The following CNTLN variants were observed in gnomAD, a reference collection of about 807,000 sequenced individuals.
CNTLN encodes the protein centlein, also known as centlein, centrosomal protein.
A neutral mutation model predicts 180.0 loss-of-function variants in CNTLN; 212 were observed. The ratio of observed to expected loss-of-function variants is 1.18; its 90% confidence interval spans 1.05 to 1.32. CNTLN has a LOEUF of 1.32. CNTLN is among the 40% of genes most tolerant of loss of function. The probability of loss-of-function intolerance (pLI) is 0.00; values close to 1 mark genes in which losing one functional copy is unlikely to be tolerated. For missense variants in CNTLN, 2,095 were observed against 1,610.9 expected (o/e 1.30, Z -5.14); for synonymous variants, 722 against 563.1 (o/e 1.28, Z -3.99).
At chr9:17,318,389 G>T (rs1298521877) in intron 8 of CNTLN, among the ~76,000 whole-genome samples, 1 of 152,096 alleles carries the variant, frequency 6.6e-6, no homozygotes, top group Non-Finnish European at 1.5e-5. Flanking sequence ...ATATAGGAAG[G>T]CAAGGAAGAG....
At chr9:17,349,807 G>T (rs531488189) in intron 12 of CNTLN, among the ~76,000 whole-genome samples, 1 of 152,170 alleles carries the variant, frequency 6.6e-6, no homozygotes, top group East Asian at 1.9e-4. Flanking sequence ...GAGCATTCAT[G>T]TGTTCATTTA....
At chr9:17,524,026 C>A in the CNTLN span, among the ~76,000 whole-genome samples, 3 of 151,942 alleles carry the variant, frequency 2.0e-5, no homozygotes, top group Admixed American at 6.6e-5. Flanking sequence ...GAAATGTTTT[C>A]TAAAATGAGA....
chr9:17,391,250 G>C (rs183581637), intron 14 of CNTLN, among the ~76,000 whole-genome samples: 10 of 152,228 alleles, frequency 6.6e-5, no homozygotes, highest in Admixed American at 1.3e-4. Flanking sequence ...TCCTCCCTGG[G>C]TATAGGACAG....
chr9:17,394,454 A>T (rs557265455), intron 14 of CNTLN, 80 bp from the exon 15 acceptor site: 1 of 1,049,222 alleles, frequency 9.5e-7, no homozygotes, highest in Non-Finnish European at 1.3e-6. Flanking sequence ...TGTGATTTTT[A>T]TTTCATAAGT....
chr9:17,248,406 C>T (rs1003891764), intron 5 of CNTLN, among the ~76,000 whole-genome samples: 7 of 151,790 alleles, frequency 4.6e-5, no homozygotes, highest in Non-Finnish European at 7.4e-5. Flanking sequence ...GATTCAGTCT[C>T]TTCATTTGTT....
rs749299305 is a variant in CNTLN, at chr9:17,409,434, A to G, written c.2757A>G (p.Ile919Met). Residue 919 changes from isoleucine (I) to methionine (M), a missense_variant, in exon 16 of 26, where the codon ATA becomes ATG. Physicochemically the swap from Ile to Met is conservative, Grantham distance 10. Transcript: ENST00000380647. ...TEDSQTQGKE[I>M]VQTYLNIDGK... Reference sequence around the variant, plus strand: ...ACAGCCAAACACAAGGAAAAGAAATAGTACAGACATATTTAAATATAGATG... The same window carrying G: ...ACAGCCAAACACAAGGAAAAGAAATGGTACAGACATATTTAAATATAGATG... 4.3e-6 allele frequency: 7 copies of G among 1,609,490 alleles called. No homozygotes were observed. In the South Asian group the frequency reaches 6.7e-5, roughly 15 times the overall value.
chr9:17,325,167 G>T, intron 8 of CNTLN, among the ~76,000 whole-genome samples: 1 of 109,076 alleles, frequency 9.2e-6, no homozygotes, highest in East Asian at 2.6e-4. Flanking sequence ...ATGTTAAATT[G>T]ATATTCTTTT....
intron 2 of CNTLN, among the ~76,000 whole-genome samples, chr9:17,157,277 T>C (rs1242941980): frequency 1.3e-5 from 2 of 152,216 alleles, no homozygotes; most frequent in African/African-American, 4.8e-5. Context: ...AATCAATACG[T>C]ACCAAATATT....
At chr9:17,436,094 T>C (rs1829758167) in intron 18 of CNTLN, among the ~76,000 whole-genome samples, 1 of 152,214 alleles carries the variant, frequency 6.6e-6, no homozygotes. Context: ...ATAAACAATT[T>C]AAAAGCAAGA....
intron 18 of CNTLN, among the ~76,000 whole-genome samples, chr9:17,436,717 T>C (rs574971091): frequency 6.6e-6 from 1 of 152,358 alleles, no homozygotes; most frequent in Non-Finnish European, 1.5e-5. Flanking sequence ...AGAATTCTTA[T>C]TTGAAAGATA....
chr9:17,168,792 T>C (rs983536975), intron 2 of CNTLN, among the ~76,000 whole-genome samples: 1 of 152,148 alleles, frequency 6.6e-6, no homozygotes, highest in Admixed American at 6.5e-5. Flanking sequence ...AAACCATAGA[T>C]GGCTCTATTG....
At chr9:17,263,455 G>T (rs538285373) in intron 5 of CNTLN, among the ~76,000 whole-genome samples, 3 of 151,134 alleles carry the variant, frequency 2.0e-5, no homozygotes, top group African/African-American at 7.4e-5. Context: ...TTGGGCATTT[G>T]GATTGGTTCC....
intron 2 of CNTLN, among the ~76,000 whole-genome samples, chr9:17,204,801 C>T (rs577933957): frequency 1.2e-4 from 19 of 152,322 alleles, no homozygotes; most frequent in Admixed American, 1.2e-3. Context: ...CGCCCCTCCC[C>T]CCAGGTGCTC....
chr9:17,201,086 T>C (rs1476718192), intron 2 of CNTLN, among the ~76,000 whole-genome samples: 2 of 152,348 alleles, frequency 1.3e-5, no homozygotes, highest in East Asian at 3.9e-4. Flanking sequence ...TCTATTGAGA[T>C]AATCATGTGA....
rs112888425 is a variant in CNTLN, at chr9:17,380,061, C to T, written c.1988-8101C>T. Among the ~76,000 whole-genome samples, 50 of 152,250 alleles carry T rather than the reference C, an allele frequency of 3.3e-4. 2 individuals carry two copies. The highest frequency in any genetic ancestry group is 1.2e-3 in the African/African-American group (49 of 41,550). ...AACAAACCAAAATGAAAGTTACAGC[C>T]ACCTTTAATTAATTACTGAGATAGT... On this transcript the variant is annotated intron_variant, in intron 13 of 25. Transcript: ENST00000380647.
Position 17,503,272 on chromosome 9 carries a change from G to A in CNTLN, c.*620G>A, listed in dbSNP as rs1437746036. On this transcript the variant is annotated 3_prime_UTR_variant, in exon 26 of 26. Transcript: ENST00000380647. Reference sequence around the variant, plus strand: ...CTCTCTTAACTTCACAATACTATACGTTGTGTAGTCATATAAATTTGCAGG... The same window carrying A: ...CTCTCTTAACTTCACAATACTATACATTGTGTAGTCATATAAATTTGCAGG... 6.6e-6 allele frequency: 1 copy of A among 152,046 alleles called. No homozygotes were observed. The highest frequency in any genetic ancestry group is 1.5e-5 in the Non-Finnish European group (1 of 68,026). 9.4% of individuals were successfully genotyped at this position (152,046 alleles called of 1,614,324 possible). A position where few individuals can be genotyped will look rare whatever the true frequency, so the allele number is the denominator to read the frequency against.
chr9:17,471,002 A>C (rs1475690434), intron 23 of CNTLN, among the ~76,000 whole-genome samples: 1 of 152,038 alleles, frequency 6.6e-6, no homozygotes, highest in Non-Finnish European at 1.5e-5. Context: ...TCTATGATAC[A>C]ATTCAAGTTG....
intron 2 of CNTLN, among the ~76,000 whole-genome samples, chr9:17,155,936 C>T (rs886391365): frequency 1.3e-5 from 2 of 152,168 alleles, no homozygotes; most frequent in African/African-American, 2.4e-5. Flanking sequence ...AGTATCTGTG[C>T]TGGAGTTCCT....
At chr9:17,284,719 T>A (rs542160100) in intron 6 of CNTLN, among the ~76,000 whole-genome samples, 1 of 152,242 alleles carries the variant, frequency 6.6e-6, no homozygotes, top group East Asian at 1.9e-4. Flanking sequence ...CTGGATTCAT[T>A]GATTTTTTTG....
Sources: allele counts gnomAD v4.1 joint callset (sites outside exome capture counted in the v4.1 genomes callset), GRCh38; gene constraint gnomAD v4.1.1; transcripts MANE v1.5; gene names NCBI Gene and HGNC (gene_info 2026-07-23, HGNC 2026-07-21).